Variants in PDE8A observed in about 807,000 individuals in gnomAD.
PDE8A encodes high affinity cAMP-specific and IBMX-insensitive 3',5'-cyclic phosphodiesterase 8A.
A neutral mutation model predicts 105.0 loss-of-function variants in PDE8A; 59 were observed. That is an observed-to-expected ratio of 0.56 (90% CI 0.46 to 0.70). The LOEUF (loss-of-function observed/expected upper bound fraction) is 0.70. PDE8A is among the 30% of genes least tolerant of loss of function. PDE8A has a pLI of 0.00. For synonymous variants in PDE8A, 355 were observed against 371.9 expected, an observed-to-expected ratio of 0.95 and a Z score of 0.52; for missense variants, 1,014 against 1,045.9, an observed-to-expected ratio of 0.97 and a Z score of 0.42.
intron 20 of PDE8A, among the ~76,000 whole-genome samples, chr15:85,127,490 C>T (rs1334539532): frequency 1.3e-5 from 2 of 151,950 alleles, no homozygotes; most frequent in Non-Finnish European, 2.9e-5. Context: ...GGACACAGCT[C>T]AATATACAAA....
intron 20 of PDE8A, among the ~76,000 whole-genome samples, chr15:85,128,838 C>T (rs1048637709): frequency 6.6e-6 from 1 of 152,206 alleles, no homozygotes; most frequent in African/African-American, 2.4e-5. Context: ...TGAAATACCA[C>T]TACACACCCA....
rs772029304 is a variant in PDE8A at position 85,054,414 on chromosome 15, G to A, written c.187-9956G>A. On this transcript the variant is annotated intron_variant, in intron 1 of 21. Coordinates refer to ENST00000394553, the MANE Select transcript of PDE8A (RefSeq NM_002605.3). ...GAATGGTACCAGCTCCTCTTTGTAC[G>A]TCTGGTAGAATTCAGCTGTGAATCC... is the stretch of plus-strand genomic sequence containing the variant. Among the ~76,000 whole-genome samples the A allele has an allele frequency of 5.3e-5, 8 of 152,072 alleles. No individual in the cohort carries two copies. The South Asian group carries it at 1.0e-3, about 20-fold the overall frequency.
chr15:85,116,084 T>C lies in PDE8A; in HGVS notation c.1500T>C (p.Phe500=), dbSNP rs775404502. 8 of 1,614,074 alleles carry C rather than the reference T, an allele frequency of 5.0e-6. No individual in the cohort carries two copies. The highest frequency in any genetic ancestry group is 2.2e-5 in the South Asian group (2 of 91,072). ...TGGAAAATGAGGAATACTGGGACTT[T>C]GATATTTTTGAACTGGAGGCTGCCA... The part of the protein sequence containing the change: ...RAMENEEYWD[F]DIFELEAATH... The change falls in exon 16 of 22, where the codon TTT becomes TTC. Residue 500 remains phenylalanine (F), a synonymous_variant. Coordinates refer to ENST00000394553, the MANE Select transcript of PDE8A (RefSeq NM_002605.3).
rs1269201115 is a variant in PDE8A at position 85,117,971 on chromosome 15, G to A, written c.1734+132G>A. ...TGGCACAGGAAGGGCAAGGTCATAC[G>A]AGGAATCAGGCAGGAGGCCACATTA... On this transcript the variant is annotated intron_variant, in intron 17 of 21. Transcript: ENST00000394553. The A allele has an allele frequency of 9.3e-6, 7 of 750,598 alleles. No homozygotes were observed. In the African/African-American group the frequency reaches 1.0e-4, roughly 11 times the overall value. 46.5% of individuals were successfully genotyped at this position (750,598 alleles called of 1,614,324 possible).
intron 1 of PDE8A, among the ~76,000 whole-genome samples, chr15:85,031,444 T>C (rs2080613464): frequency 6.6e-6 from 1 of 152,180 alleles, no homozygotes; most frequent in Non-Finnish European, 1.5e-5. Context: ...GACCTTTGGC[T>C]CTCTGCTTGC....
intron 12 of PDE8A, among the ~76,000 whole-genome samples, chr15:85,110,214 G>A (rs2082001800): frequency 6.6e-6 from 1 of 152,182 alleles, no homozygotes; most frequent in South Asian, 2.1e-4. Flanking sequence ...GCACAGAGCA[G>A]GGCTGAGGTC....
chr15:85,025,344 G>A (rs561151990), intron 1 of PDE8A, among the ~76,000 whole-genome samples: 1 of 152,148 alleles, frequency 6.6e-6, no homozygotes, highest in South Asian at 2.1e-4. Flanking sequence ...TTTCATTTGG[G>A]AGGCTTCCTC....
rs56313426 is a variant in PDE8A at position 85,009,110 on chromosome 15, A to AGTGTGT, written c.186+26792_186+26797dup. Among the ~76,000 whole-genome samples, 599 of 64,188 alleles carry AGTGTGT rather than the reference A, an allele frequency of 9.3e-3. 3 individuals carry two copies. The highest frequency in any genetic ancestry group is 0.024 in the African/African-American group (525 of 21,980). 42.1% of individuals were successfully genotyped at this position (64,188 alleles called of 152,430 possible). ...GTGTGTGAGAGAGAGAGAGAGAGAG[A>AGTGTGT]GTGTGTGTGTGTGTGTGTGTGTGTG... On this transcript the variant is annotated intron_variant, in intron 1 of 21. Transcript: ENST00000394553.
At chr15:85,043,993 A>T (rs1446517578) in intron 1 of PDE8A, among the ~76,000 whole-genome samples, 1 of 152,230 alleles carries the variant, frequency 6.6e-6, no homozygotes, top group Non-Finnish European at 1.5e-5. Context: ...CACCACACCC[A>T]GCCAGTGTGT....
chr15:85,104,777 G>A (rs931046864), intron 11 of PDE8A, among the ~76,000 whole-genome samples: 5 of 152,092 alleles, frequency 3.3e-5, no homozygotes, highest in African/African-American at 1.2e-4. Context: ...CAAAACTTTT[G>A]GCCCTGGGCC....
Position 85,136,576 on chromosome 15 carries a change from G to C in PDE8A, c.2296G>C (p.Val766Leu). 1 of 1,613,874 alleles carries C rather than the reference G, an allele frequency of 6.2e-7. No homozygotes were observed. The highest frequency in any genetic ancestry group is 8.5e-7 in the Non-Finnish European group (1 of 1,179,804). Residue 766 changes from valine (V) to leucine (L), a missense_variant, in exon 21 of 22, where the codon GTG (valine) becomes CTG (leucine). Physicochemically the swap from Val to Leu is conservative, Grantham distance 32. Coordinates refer to ENST00000394553, the MANE Select transcript of PDE8A (RefSeq NM_002605.3). ...GCAGGGCTTACCTGTGGTGATGCCA[G>C]TGTTTGACAGAAATACCTGCAGCAT... ...KQQGLPVVMPVFDRNTCSIPK... is the reference protein window; with the variant it reads ...KQQGLPVVMPLFDRNTCSIPK...
intron 20 of PDE8A, among the ~76,000 whole-genome samples, chr15:85,132,442 G>A (rs1315978484): frequency 6.6e-6 from 1 of 152,014 alleles, no homozygotes; most frequent in Non-Finnish European, 1.5e-5. Context: ...CCCCTCTGGT[G>A]AAGTTTAATT....
chr15:84,981,317 G>C (rs1194460096), upstream of PDE8A, among the ~76,000 whole-genome samples: 1 of 152,204 alleles, frequency 6.6e-6, no homozygotes, highest in African/African-American at 2.4e-5. Context: ...ATTGACGCCA[G>C]CACCCGCTGG....
At chr15:85,005,353 C>T (rs1369668881) in intron 1 of PDE8A, among the ~76,000 whole-genome samples, 1 of 152,144 alleles carries the variant, frequency 6.6e-6, no homozygotes, top group Non-Finnish European at 1.5e-5. Context: ...CGGACTCAAG[C>T]AATCTTCCTG....
At chr15:84,998,243 G>C (rs1422031206) in intron 1 of PDE8A, among the ~76,000 whole-genome samples, 1 of 152,182 alleles carries the variant, frequency 6.6e-6, no homozygotes, top group Non-Finnish European at 1.5e-5. Flanking sequence ...GCAAGTATTG[G>C]TGAAGCTGGG....
chr15:84,994,438 A>G (rs1329320906), intron 1 of PDE8A, among the ~76,000 whole-genome samples: 1 of 152,236 alleles, frequency 6.6e-6, no homozygotes, highest in African/African-American at 2.4e-5. Flanking sequence ...TCAAGACAGA[A>G]CATTTCCAGC....
intron 1 of PDE8A, among the ~76,000 whole-genome samples, chr15:85,008,452 A>G (rs2080184327): frequency 6.6e-6 from 1 of 151,824 alleles, no homozygotes; most frequent in Non-Finnish European, 1.5e-5. Flanking sequence ...TGTGTAACTC[A>G]TCCCCCACCC....
intron 5 of PDE8A, 60 bp from the exon 6 acceptor site, chr15:85,083,496 T>G: frequency 1.0e-6 from 1 of 983,380 alleles, no homozygotes; most frequent in Non-Finnish European, 1.6e-6. Flanking sequence ...GAGTTATTTT[T>G]ATTGGCACAA....
rs765268728 is a variant in PDE8A, at chr15:85,012,980, C to T, written c.186+30632C>T. Among the ~76,000 whole-genome samples the T allele has an allele frequency of 1.4e-4, 21 of 152,088 alleles. 1 individual carries two copies. Among genetic ancestry groups the T allele is most frequent in the Non-Finnish European group, 8.8e-5 (6 of 68,012 alleles). ...CTGATCCACTGTTAACTCTAATAAT[C>T]GTTTCCTGAAGAACAGCCCCATCCA... On this transcript the variant is annotated intron_variant, in intron 1 of 21. Coordinates refer to ENST00000394553, the MANE Select transcript of PDE8A (RefSeq NM_002605.3).
Sources: gnomAD v4.1 joint callset for allele counts (sites outside exome capture counted in the v4.1 genomes callset) on GRCh38, gnomAD v4.1.1 for gene constraint, MANE v1.5 for transcripts, NCBI Gene and HGNC (gene_info 2026-07-23, HGNC 2026-07-21) for gene names.